Variants in RPS6KC1 observed in about 807,000 individuals in gnomAD.
RPS6KC1 encodes the protein inactive ribosomal protein S6 kinase delta-1.
In RPS6KC1, 54 loss-of-function variants were observed where a neutral mutation model predicts 103.8. The ratio of observed to expected loss-of-function variants is 0.52; its 90% CI spans 0.42 to 0.65. The LOEUF (loss-of-function observed/expected upper bound fraction) is 0.65, where lower values mean the gene tolerates loss of function less well. RPS6KC1 is among the 30% of genes least tolerant of loss of function. The pLI is 0.00. For synonymous variants in RPS6KC1, 439 were observed against 438.7 expected, an observed-to-expected ratio of 1.00 and a Z score of -0.01; for missense variants, 1,151 against 1,253.8, an observed-to-expected ratio of 0.92 and a Z score of 1.24.
intron 1 of RPS6KC1, among the ~76,000 whole-genome samples, chr1:213,070,396 T>G (rs868379927): frequency 8.5e-5 from 13 of 152,360 alleles, no homozygotes; most frequent in South Asian, 2.1e-4. Flanking sequence ...CATGTGGACT[T>G]ACTTTTAGCT....
At chr1:213,635,655 A>C in the RPS6KC1 span, among the ~76,000 whole-genome samples, 535 of 152,276 alleles carry the variant, frequency 3.5e-3, 4 homozygotes, top group African/African-American at 0.011. Flanking sequence ...AACCCACAGC[A>C]AATATCATAC....
At chr1:213,751,924 A>G in the RPS6KC1 span, among the ~76,000 whole-genome samples, 11 of 152,206 alleles carry the variant, frequency 7.2e-5, no homozygotes, top group Non-Finnish European at 1.5e-4. Context: ...CCTCAGACCT[A>G]GGTTCAAATC....
At chr1:213,151,756 C>T (rs574435636) in intron 6 of RPS6KC1, among the ~76,000 whole-genome samples, 12 of 127,500 alleles carry the variant, frequency 9.4e-5, no homozygotes, top group East Asian at 7.6e-4. Flanking sequence ...CCCTCCCGGA[C>T]GAGGCGGCTG....
At chr1:213,755,399 G>A in the RPS6KC1 span, among the ~76,000 whole-genome samples, 1 of 152,222 alleles carries the variant, frequency 6.6e-6, no homozygotes, top group Admixed American at 6.5e-5. Flanking sequence ...AATCCACCAT[G>A]TCCTGCCTCC....
the RPS6KC1 span, among the ~76,000 whole-genome samples, chr1:213,377,273 T>G: frequency 1.8e-4 from 28 of 152,308 alleles, no homozygotes; most frequent in South Asian, 5.8e-3. Flanking sequence ...TGAAGGAAGT[T>G]CCGTTGAAAT....
the RPS6KC1 span, among the ~76,000 whole-genome samples, chr1:213,805,602 T>A: frequency 6.6e-6 from 1 of 152,238 alleles, no homozygotes; most frequent in African/African-American, 2.4e-5. Context: ...TTCCACTACA[T>A]CTGCAGTTAC....
the RPS6KC1 span, among the ~76,000 whole-genome samples, chr1:213,556,562 T>A: frequency 3.3e-5 from 5 of 152,152 alleles, no homozygotes. Flanking sequence ...ATATTAAGAA[T>A]ATGAAGAAAT....
chr1:213,459,504 G>T, the RPS6KC1 span, among the ~76,000 whole-genome samples: 2 of 151,862 alleles, frequency 1.3e-5, no homozygotes, highest in Non-Finnish European at 2.9e-5. Context: ...AGTTTGGCTA[G>T]AGGTCTACTT....
chr1:213,742,013 G>GAGGA, the RPS6KC1 span, among the ~76,000 whole-genome samples: 6 of 152,142 alleles, frequency 3.9e-5, no homozygotes, highest in Admixed American at 6.5e-5. Flanking sequence ...ATCCCTAGAG[G>GAGGA]AGGAACCAGT....
the RPS6KC1 span, among the ~76,000 whole-genome samples, chr1:213,568,688 G>A: frequency 6.7e-3 from 1,020 of 152,240 alleles, 9 homozygotes; most frequent in African/African-American, 0.02. Context: ...AGAGGAGGAC[G>A]CAAAAGCCCT....
At chr1:213,083,208 AAAC>A (rs1332473266) in intron 3 of RPS6KC1, among the ~76,000 whole-genome samples, 3 of 152,228 alleles carry the variant, frequency 2.0e-5, no homozygotes, top group Non-Finnish European at 4.4e-5. Context: ...GGAAGGCTAA[AAAC>A]AACCACGAAG....
the RPS6KC1 span, among the ~76,000 whole-genome samples, chr1:213,539,765 T>C: frequency 2.6e-5 from 4 of 152,214 alleles, no homozygotes; most frequent in African/African-American, 7.2e-5. Context: ...TTCAGTTTAC[T>C]TAGTAAGAAA....
At chr1:213,753,486 G>C in the RPS6KC1 span, among the ~76,000 whole-genome samples, 48 of 152,102 alleles carry the variant, frequency 3.2e-4, no homozygotes, top group African/African-American at 1.1e-3. Context: ...CCATTCCTGG[G>C]GCCCTACTAG....
the RPS6KC1 span, among the ~76,000 whole-genome samples, chr1:213,519,500 T>G: frequency 3.9e-5 from 6 of 152,198 alleles, no homozygotes; most frequent in Non-Finnish European, 8.8e-5. Context: ...TGTAATTTAC[T>G]CCCTGGGGTT....
At chr1:213,464,465 A>G in the RPS6KC1 span, among the ~76,000 whole-genome samples, 4 of 152,278 alleles carry the variant, frequency 2.6e-5, no homozygotes, top group East Asian at 7.7e-4. Flanking sequence ...ATTTACTTAT[A>G]ACTTTCATCC....
chr1:213,617,973 G>T, the RPS6KC1 span, among the ~76,000 whole-genome samples: 1 of 152,194 alleles, frequency 6.6e-6, no homozygotes, highest in Non-Finnish European at 1.5e-5. Flanking sequence ...TTGTGGAATT[G>T]GTTCTTCCTT....
chr1:213,281,799 C>G, the RPS6KC1 span, among the ~76,000 whole-genome samples: 6 of 152,230 alleles, frequency 3.9e-5, no homozygotes, highest in Non-Finnish European at 8.8e-5. Flanking sequence ...ACCACCCCCA[C>G]TCCCCAGGTG....
At chr1:213,770,079 G>A in the RPS6KC1 span, among the ~76,000 whole-genome samples, 28 of 152,176 alleles carry the variant, frequency 1.8e-4, no homozygotes, top group Non-Finnish European at 4.0e-4. Context: ...GAGCATCTCT[G>A]TTCTGGGTAA....
the RPS6KC1 span, among the ~76,000 whole-genome samples, chr1:213,369,994 G>A: frequency 1.3e-5 from 2 of 152,174 alleles, no homozygotes; most frequent in Admixed American, 6.5e-5. Flanking sequence ...GTCTAGGAGA[G>A]CTGCCCTAAT....
Sources: gnomAD v4.1 joint callset for allele counts (sites outside exome capture counted in the v4.1 genomes callset) on GRCh38, gnomAD v4.1.1 for gene constraint, MANE v1.5 for transcripts, NCBI Gene and HGNC (gene_info 2026-07-23, HGNC 2026-07-21) for gene names.